SERGEF: variants seen among roughly 807,000 people sequenced by gnomAD.
The protein encoded by SERGEF is secretion regulating guanine nucleotide exchange factor, also known as secretion-regulating guanine nucleotide exchange factor.
In SERGEF, 51 loss-of-function variants were observed where a neutral mutation model predicts 50.0. The ratio of observed to expected loss-of-function variants is 1.02; its 90% confidence interval spans 0.81 to 1.29. SERGEF has a LOEUF of 1.29. SERGEF is among the 50% of genes most tolerant of loss of function. The probability of loss-of-function intolerance (pLI) is 0.00; values close to 1 mark genes in which losing one functional copy is unlikely to be tolerated. For missense variants in SERGEF, 521 were observed against 557.0 expected, an observed-to-expected ratio of 0.94 and a Z score of 0.65; for synonymous variants, 205 against 212.4, an observed-to-expected ratio of 0.97 and a Z score of 0.30.
chr11:17,865,572 C>A (rs1331508097), intron 10 of SERGEF, among the ~76,000 whole-genome samples: 3 of 151,566 alleles, frequency 2.0e-5, no homozygotes, highest in Non-Finnish European at 4.4e-5. Flanking sequence ...CCCGTACAGG[C>A]CTGAGCTAAT....
intron 10 of SERGEF, among the ~76,000 whole-genome samples, chr11:17,850,865 T>C (rs942816144): frequency 1.3e-5 from 2 of 152,136 alleles, no homozygotes; most frequent in African/African-American, 4.8e-5. Flanking sequence ...AGGGGGGCAA[T>C]TGTAAATGGG....
intron 8 of SERGEF, among the ~76,000 whole-genome samples, chr11:17,982,607 G>C (rs1330772513): frequency 6.6e-6 from 1 of 152,154 alleles, no homozygotes; most frequent in Non-Finnish European, 1.5e-5. Flanking sequence ...ATGGAGTAAT[G>C]TATACTGTCA....
chr11:17,928,693 A>ACTACC (rs1033801883), intron 9 of SERGEF, among the ~76,000 whole-genome samples: 35 of 152,226 alleles, frequency 2.3e-4, no homozygotes, highest in African/African-American at 8.4e-4. Context: ...GTCAGTCGAG[A>ACTACC]CTACCCTTCA....
In SERGEF at chr11:17,868,075, T is replaced by G. The variant is rs1055128958; in HGVS notation, c.1048+10133A>C. 2.7e-4 allele frequency among the ~76,000 whole-genome samples: 41 copies of G among 152,220 alleles called. 1 individual carries two copies. Among genetic ancestry groups the G allele is most frequent in the Admixed American group, 2.6e-3 (40 of 15,290 alleles). ...TTCCCTATTGTCTTGGGGATTAACA[T>G]TTGGCTCCTTGTTACTTATGCAAAT... On this transcript the variant is annotated intron_variant, in intron 10 of 10. Coordinates refer to ENST00000265965, the MANE Select transcript of SERGEF (RefSeq NM_012139.4).
chr11:18,006,707 C>A lies in SERGEF; in HGVS notation c.236G>T (p.Gly79Val), dbSNP rs758386314. Residue 79 changes from glycine (G) to valine (V), a missense_variant, in exon 3 of 11, where the codon GGG (glycine) becomes GTG (valine). Gly to Val is a moderately radical substitution (Grantham distance 109). Coordinates refer to ENST00000265965, the MANE Select transcript of SERGEF (RefSeq NM_012139.4). ...CTCTGTGTGACCAAGCCCCAGTTGC[C>A]CATCTTTGTTCAGGCCACAAACAAA... ...DLFVCGLNKDGQLGLGHTEDI... is the reference protein window; with the variant it reads ...DLFVCGLNKDVQLGLGHTEDI... The A allele has an allele frequency of 2.5e-6, 4 of 1,614,126 alleles. No homozygotes were observed. The highest frequency in any genetic ancestry group is 3.4e-6 in the Non-Finnish European group (4 of 1,180,030).
At chr11:17,855,900 G>T (rs1276936672) in intron 10 of SERGEF, 1 of 152,196 alleles carries the variant, frequency 6.6e-6, no homozygotes, top group Non-Finnish European at 1.5e-5. Flanking sequence ...TACAGATGAA[G>T]ATTGGGAACA....
intron 8 of SERGEF, among the ~76,000 whole-genome samples, chr11:17,962,807 G>T (rs1853036046): frequency 6.6e-6 from 1 of 152,122 alleles, no homozygotes; most frequent in South Asian, 2.1e-4. Context: ...CATTTAAGGT[G>T]AACTTCTGGA....
At chr11:17,850,949 A>G (rs1471871232) in intron 10 of SERGEF, among the ~76,000 whole-genome samples, 1 of 152,058 alleles carries the variant, frequency 6.6e-6, no homozygotes, top group Non-Finnish European at 1.5e-5. Flanking sequence ...GTGTCAGGAG[A>G]CCTGGGTTGT....
intron 5 of SERGEF, among the ~76,000 whole-genome samples, chr11:17,997,190 C>T (rs1017400068): frequency 1.3e-5 from 2 of 152,108 alleles, no homozygotes; most frequent in African/African-American, 2.4e-5. Flanking sequence ...GAATGAGACA[C>T]TGTCTCAACA....
intron 9 of SERGEF, among the ~76,000 whole-genome samples, chr11:17,914,409 T>C (rs1053939154): frequency 1.4e-5 from 2 of 144,076 alleles, no homozygotes; most frequent in East Asian, 2.2e-4. Flanking sequence ...TTAATGTTTT[T>C]ATTTTTTTAA....
At chr11:17,921,071 C>A (rs1159211151) in intron 9 of SERGEF, among the ~76,000 whole-genome samples, 1 of 152,196 alleles carries the variant, frequency 6.6e-6, no homozygotes, top group Non-Finnish European at 1.5e-5. Flanking sequence ...ACAAGACTCA[C>A]ATTTACAGTT....
intron 8 of SERGEF, among the ~76,000 whole-genome samples, chr11:17,964,442 C>T (rs1274401993): frequency 6.6e-6 from 1 of 152,136 alleles, no homozygotes; most frequent in Non-Finnish European, 1.5e-5. Context: ...AATTTCTACC[C>T]TGTTCTAGGG....
chr11:17,798,110 G>A (rs1301781853), intron 10 of SERGEF, among the ~76,000 whole-genome samples: 2 of 152,184 alleles, frequency 1.3e-5, no homozygotes, highest in African/African-American at 4.8e-5. Context: ...ACAAAAGAAA[G>A]GCCTTGGCTC....
intron 9 of SERGEF, among the ~76,000 whole-genome samples, chr11:17,908,563 T>C (rs1238499569): frequency 6.6e-6 from 1 of 152,198 alleles, no homozygotes; most frequent in Non-Finnish European, 1.5e-5. Flanking sequence ...CATTTCCATA[T>C]TGAATTGTAA....
At chr11:17,805,416 A>G (rs1345545540) in intron 10 of SERGEF, among the ~76,000 whole-genome samples, 1 of 152,230 alleles carries the variant, frequency 6.6e-6, no homozygotes, top group African/African-American at 2.4e-5. Context: ...TGCTGGGCGT[A>G]CAGCCTTGCT....
intron 10 of SERGEF, among the ~76,000 whole-genome samples, chr11:17,862,830 G>A (rs1048372903): frequency 6.6e-6 from 1 of 152,198 alleles, no homozygotes; most frequent in Non-Finnish European, 1.5e-5. Flanking sequence ...TGTCAAAGCT[G>A]CCCAATGTCA....
Position 17,995,797 on chromosome 11 carries a change from T to G in SERGEF, c.621A>C (p.Thr207=). The change falls in exon 6 of 11, where the codon ACA becomes ACC. Residue 207 remains threonine, a splice_region_variant and synonymous_variant. Transcript: ENST00000265965. ...FFTAKEPSRV[T]GLENSKAMCV... is the part of the protein sequence containing the mutation. ...GGACTAAAGAAAGAAGCATCTTACC[T>G]GTCACTCTGCTTGGTTCCTTTGCTG... 6.2e-7 allele frequency: 1 copy of G among 1,602,356 alleles called. No individual in the cohort carries two copies.
chr11:17,977,135 T>C (rs1853394462), intron 8 of SERGEF, among the ~76,000 whole-genome samples: 1 of 152,220 alleles, frequency 6.6e-6, no homozygotes, highest in East Asian at 1.9e-4. Flanking sequence ...CTCTCGTCTA[T>C]AGTTGGAGAA....
intron 10 of SERGEF, among the ~76,000 whole-genome samples, chr11:17,794,421 G>T (rs557578943): frequency 6.2e-4 from 94 of 152,222 alleles, no homozygotes; most frequent in African/African-American, 2.2e-3. Flanking sequence ...GGCAACCCTC[G>T]GAGGTACTAC....
Sources: allele counts gnomAD v4.1 joint callset (sites outside exome capture counted in the v4.1 genomes callset), GRCh38; gene constraint gnomAD v4.1.1; transcripts MANE v1.5; gene names NCBI Gene and HGNC (gene_info 2026-07-23, HGNC 2026-07-21).